IRGQ: variants seen among roughly 807,000 people sequenced by gnomAD.
IRGQ encodes the protein immunity-related GTPase family Q protein.
A neutral mutation model predicts 10.5 loss-of-function variants in IRGQ; 5 were observed. The ratio of observed to expected loss-of-function variants is 0.48; its 90% CI spans 0.25 to 1.00. IRGQ has a LOEUF of 1.00. Among genes scored for constraint, IRGQ ranks in the 50% least tolerant of loss-of-function variants. The probability of loss-of-function intolerance (pLI) is 0.16; values close to 1 mark genes in which losing one functional copy is unlikely to be tolerated. For synonymous variants in IRGQ, 418 were observed against 426.0 expected (o/e 0.98, Z 0.23); for missense variants, 792 against 877.7 (o/e 0.90, Z 1.23).
Position 43,592,455 on chromosome 19 carries a change from C to T in IRGQ, c.1443G>A (p.Ala481=), listed in dbSNP as rs762309672. 4 of 1,583,990 alleles carry T rather than the reference C, an allele frequency of 2.5e-6. No homozygotes were observed. Among genetic ancestry groups the T allele is most frequent in the Non-Finnish European group, 3.4e-6 (4 of 1,172,986 alleles). Residue 481 remains alanine, a synonymous_variant, in exon 3 of 3, where the codon GCG becomes GCA. Coordinates refer to ENST00000422989, the MANE Select transcript of IRGQ (RefSeq NM_001007561.3). The part of the protein sequence containing the change: ...RTKAAALRAG[A]WRPALLASLA... ...GACTAGCCAGCAGAGCTGGCCTCCA[C>T]GCCCCGGCTCGCAACGCCGCAGCCT...
rs766133513 is a variant in IRGQ, at chr19:43,584,784, G to A, written c.*7242C>T. The A allele has an allele frequency of 1.3e-5, 2 of 152,158 alleles. No homozygotes were observed. Among genetic ancestry groups the A allele is most frequent in the Admixed American group, 6.5e-5 (1 of 15,268 alleles). 9.4% of individuals were successfully genotyped at this position (152,158 alleles called of 1,614,324 possible). On this transcript the variant is annotated 3_prime_UTR_variant, in exon 3 of 3. Coordinates refer to ENST00000422989, the MANE Select transcript of IRGQ (RefSeq NM_001007561.3). ...ATGGGTGGCAGGGATCAAGGATGAC[G>A]GAGCCATGTGTCTCTTTTCCCTTTA...
rs1973089192 is a variant in IRGQ at position 43,593,377 on chromosome 19, CAAG to C, written c.531-13_531-11del. On this transcript the variant is annotated splice_polypyrimidine_tract_variant and intron_variant, in intron 2 of 2. Transcript: ENST00000422989. The surrounding 1 kb of genome is among the most constrained non-coding windows in gnomAD (Gnocchi z 6.4). ...CGCCGGTGGCAGGAGCCTGTGGGGA[CAAG>C]AAGGGACAGGGTCAAAGGTAGAAGA... 2.7e-6 allele frequency: 4 copies of C among 1,503,686 alleles called. No homozygotes were observed. Among genetic ancestry groups the C allele is most frequent in the Non-Finnish European group, 3.6e-6 (4 of 1,124,752 alleles). 93.1% of individuals were successfully genotyped at this position (1,503,686 alleles called of 1,614,324 possible).
Position 43,593,353 on chromosome 19 carries a change from G to A in IRGQ, c.545C>T (p.Ala182Val), listed in dbSNP as rs370638315. Residue 182 changes from alanine to valine, a missense_variant, in exon 3 of 3, where the codon GCG becomes GTG. Physicochemically the swap from Ala to Val is moderately conservative, Grantham distance 64. Transcript: ENST00000422989. The surrounding 1 kb of genome is among the most constrained non-coding windows in gnomAD (Gnocchi z 6.4). Reference protein sequence around the residue: ...AEALRRLLPPAQDGFEVLGAA... With the variant: ...AEALRRLLPPVQDGFEVLGAA... ...ACCCAACACCTCGAAGCCATCCTGCGCCGGTGGCAGGAGCCTGTGGGGACA... is the reference window on the plus strand; with the variant it reads ...ACCCAACACCTCGAAGCCATCCTGCACCGGTGGCAGGAGCCTGTGGGGACA... 34 of 1,515,154 alleles carry A rather than the reference G, an allele frequency of 2.2e-5. No homozygotes were observed. The highest frequency in any genetic ancestry group is 3.0e-5 in the Non-Finnish European group (34 of 1,130,636). 93.9% of individuals were successfully genotyped at this position (1,515,154 alleles called of 1,614,324 possible).
rs1184396904 is a variant in IRGQ at position 43,595,198 on chromosome 19, G to A, written c.141C>T (p.Pro47=). ...APEGRPDSGV[P]SLRAAGPGLF... is the part of the protein sequence containing the mutation. ...GGCCTGGGCCCGCAGCTCTTAGGCT[G>A]GGAACCCCGGAGTCCGGCCGTCCCT... The change falls in exon 2 of 3, where the codon CCC becomes CCT. Residue 47 remains proline (P), a synonymous_variant. Coordinates refer to ENST00000422989, the MANE Select transcript of IRGQ (RefSeq NM_001007561.3). 4 of 1,612,212 alleles carry A rather than the reference G, an allele frequency of 2.5e-6. No homozygotes were observed. The highest frequency in any genetic ancestry group is 3.4e-6 in the Non-Finnish European group (4 of 1,179,632).
chr19:43,593,006 C>T lies in IRGQ; in HGVS notation c.892G>A (p.Asp298Asn), dbSNP rs1184787833. 3.1e-6 allele frequency: 5 copies of T among 1,607,788 alleles called. No homozygotes were observed. The Admixed American group carries it at 6.7e-5, about 21-fold the overall frequency. ...AAAASHPTHY[D>N]ALILVTPGAP... ...CCAGGGGTGACGAGGATGAGGGCGT[C>T]GTAGTGCGTTGGGTGAGAGGCGGCG... Residue 298 changes from aspartate to asparagine, a missense_variant, in exon 3 of 3, where the codon GAC (aspartate) becomes AAC (asparagine). Transcript: ENST00000422989. The surrounding 1 kb of genome is among the most constrained non-coding windows in gnomAD (Gnocchi z 6.4).
At position 43,591,828 on chromosome 19, in the gene IRGQ, A is replaced by T; in HGVS notation, c.*198T>A. On this transcript the variant is annotated 3_prime_UTR_variant, in exon 3 of 3. Transcript: ENST00000422989. Reference sequence around the variant, plus strand: ...GCGCCATTGCACTCCAGCCTGGGCAACAAGAGACTTCGTCTCACAAAAAAA... The same window carrying T: ...GCGCCATTGCACTCCAGCCTGGGCATCAAGAGACTTCGTCTCACAAAAAAA... 5 of 531,060 alleles carry T rather than the reference A, an allele frequency of 9.4e-6. No homozygotes were observed. The East Asian group carries it at 1.3e-4, about 14-fold the overall frequency. The allele number at this position is 531,060 out of a possible 1,614,324, so 32.9% of individuals were successfully genotyped here.
At chr19:43,594,222 A>G (rs746313962) in intron 2 of IRGQ, among the ~76,000 whole-genome samples, 5 of 152,232 alleles carry the variant, frequency 3.3e-5, no homozygotes, top group Non-Finnish European at 5.9e-5. Context: ...TAATCCCAGC[A>G]CTTTGGGAGG....
rs1433330934 is a variant in IRGQ at position 43,593,305 on chromosome 19, C to T, written c.593G>A (p.Arg198His). Reference protein sequence around the residue: ...VLGAAELEAVREAFETGGLEA... With the variant: ...VLGAAELEAVHEAFETGGLEA... Reference sequence around the variant, plus strand: ...AAGGCCGCCGGTCTCAAAGGCCTCACGCACAGCCTCTAGCTCTGCTGCACC... The same window carrying T: ...AAGGCCGCCGGTCTCAAAGGCCTCATGCACAGCCTCTAGCTCTGCTGCACC... Residue 198 changes from arginine to histidine, a missense_variant, in exon 3 of 3, where the codon CGT (arginine) becomes CAT (histidine). Coordinates refer to ENST00000422989, the MANE Select transcript of IRGQ (RefSeq NM_001007561.3). This position sits in a 1 kb window ranked among gnomAD's most constrained non-coding sequence, Gnocchi z 6.4. The T allele has an allele frequency of 3.8e-6, 6 of 1,582,268 alleles. No homozygotes were observed. The highest frequency in any genetic ancestry group is 1.7e-4 in the Middle Eastern group (1 of 5,934).
rs756351339 is a variant in IRGQ, at chr19:43,593,036, C to T, written c.862G>A (p.Ala288Thr). The T allele has an allele frequency of 6.2e-6, 10 of 1,605,688 alleles. 2 individuals carry two copies. The South Asian group carries it at 1.1e-4, about 18-fold the overall frequency. Residue 288 changes from alanine to threonine, a missense_variant, in exon 3 of 3, where the codon GCG (alanine) becomes ACG (threonine). By Grantham distance (58) the Ala-to-Thr change is moderately conservative (BLOSUM62 0). Coordinates refer to ENST00000422989, the MANE Select transcript of IRGQ (RefSeq NM_001007561.3). This position sits in a 1 kb window ranked among gnomAD's most constrained non-coding sequence, Gnocchi z 6.4. ...TGCGTTGGGTGAGAGGCGGCGGCCG[C>T]GGTGGTGGCAGTGCCCGTGTGGCCC... ...PLGHTGTATT[A>T]AAASHPTHYD...
In IRGQ at chr19:43,595,230, C is replaced by T. The variant is rs1973119190; in HGVS notation, c.109G>A (p.Ala37Thr). ...CCGGAGTCCGGCCGTCCCTCGGGGG[C>T]CTCGAGCGTCTCCACATCCTTGTCG... is the stretch of plus-strand genomic sequence containing the variant. ...LCDKDVETLE[A>T]PEGRPDSGVP... The change falls in exon 2 of 3, where the codon GCC (alanine) becomes ACC (threonine). Residue 37 changes from alanine to threonine, a missense_variant. Physicochemically the swap from Ala to Thr is moderately conservative, Grantham distance 58. Transcript: ENST00000422989. 6.2e-7 allele frequency: 1 copy of T among 1,612,436 alleles called. No individual in the cohort carries two copies. The highest frequency in any genetic ancestry group is 1.3e-5 in the African/African-American group (1 of 74,944).
chr19:43,592,866 G>A lies in IRGQ; in HGVS notation c.1032C>T (p.Gly344=), dbSNP rs1973080053. Residue 344 remains glycine, a synonymous_variant, in exon 3 of 3, where the codon GGC becomes GGT. Coordinates refer to ENST00000422989, the MANE Select transcript of IRGQ (RefSeq NM_001007561.3). Reference sequence around the variant, plus strand: ...TCTCGCCCTTGGGATTCTCCATCTTGCCTTCTCCCAGACACTCCGGATCCT... The same window carrying A: ...TCTCGCCCTTGGGATTCTCCATCTTACCTTCTCCCAGACACTCCGGATCCT... ...EGEDPECLGE[G]KMENPKGESL... is the part of the protein sequence containing the mutation. 18 of 1,613,766 alleles carry A rather than the reference G, an allele frequency of 1.1e-5. No individual in the cohort carries two copies. The highest frequency in any genetic ancestry group is 1.5e-5 in the Non-Finnish European group (18 of 1,180,024).
Position 43,593,305 on chromosome 19 carries a change from C to G in IRGQ, c.593G>C (p.Arg198Pro). The part of the protein sequence containing the change: ...VLGAAELEAV[R>P]EAFETGGLEA... Reference sequence around the variant, plus strand: ...AAGGCCGCCGGTCTCAAAGGCCTCACGCACAGCCTCTAGCTCTGCTGCACC... The same window carrying G: ...AAGGCCGCCGGTCTCAAAGGCCTCAGGCACAGCCTCTAGCTCTGCTGCACC... The change falls in exon 3 of 3, where the codon CGT becomes CCT. Residue 198 changes from arginine to proline, a missense_variant. By Grantham distance (103) the Arg-to-Pro change is moderately radical. Transcript: ENST00000422989. The surrounding 1 kb of genome is among the most constrained non-coding windows in gnomAD (Gnocchi z 6.4). 1 of 1,582,386 alleles carries G rather than the reference C, an allele frequency of 6.3e-7. No homozygotes were observed.
Position 43,589,592 on chromosome 19 carries a change from A to T in IRGQ, c.*2434T>A, listed in dbSNP as rs1751219933. Reference sequence around the variant, plus strand: ...ACCCTGTCTCTAAAATAATAATAATAATAATAAATATTTACGAAGCACCTA... The same window carrying T: ...ACCCTGTCTCTAAAATAATAATAATTATAATAAATATTTACGAAGCACCTA... On this transcript the variant is annotated 3_prime_UTR_variant, in exon 3 of 3. Coordinates refer to ENST00000422989, the MANE Select transcript of IRGQ (RefSeq NM_001007561.3). 1 of 152,174 alleles carries T rather than the reference A, an allele frequency of 6.6e-6. No individual in the cohort carries two copies. The highest frequency in any genetic ancestry group is 6.6e-5 in the Admixed American group (1 of 15,264). The allele number at this position is 152,174 out of a possible 1,614,324, so 9.4% of individuals were successfully genotyped here.
At position 43,590,493 on chromosome 19, in the gene IRGQ, A is replaced by G. The variant is rs1973042922; in HGVS notation, c.*1533T>C. The G allele has an allele frequency of 1.3e-5, 2 of 152,172 alleles. No individual in the cohort carries two copies. Among genetic ancestry groups the G allele is most frequent in the South Asian group, 4.1e-4 (2 of 4,830 alleles). The allele number at this position is 152,172 out of a possible 1,614,324, so 9.4% of individuals were successfully genotyped here. Reference sequence around the variant, plus strand: ...GCACTGTGGTTTCTGCCTTTGCTTCATTCACTCCTGGCATATTCCCATGGT... The same window carrying G: ...GCACTGTGGTTTCTGCCTTTGCTTCGTTCACTCCTGGCATATTCCCATGGT... On this transcript the variant is annotated 3_prime_UTR_variant, in exon 3 of 3. Transcript: ENST00000422989.
In IRGQ at chr19:43,588,337, T is replaced by G. The variant is rs1973017362; in HGVS notation, c.*3689A>C. 6.6e-6 allele frequency: 1 copy of G among 150,916 alleles called. No homozygotes were observed. The highest frequency in any genetic ancestry group is 6.6e-5 in the Admixed American group (1 of 15,156). The allele number at this position is 150,916 out of a possible 1,614,324, so 9.3% of individuals were successfully genotyped here. A position where few individuals can be genotyped will look rare whatever the true frequency, so the allele number is the denominator to read the frequency against. ...ATCCCAGCTACTTGGGAGGCTGAGG[T>G]TGCAGTGAGCCAAGATCGCACAACT... On this transcript the variant is annotated 3_prime_UTR_variant, in exon 3 of 3. Coordinates refer to ENST00000422989, the MANE Select transcript of IRGQ (RefSeq NM_001007561.3).
intron 2 of IRGQ, among the ~76,000 whole-genome samples, chr19:43,594,342 G>A (rs762950957): frequency 6.6e-6 from 1 of 152,174 alleles, no homozygotes; most frequent in Non-Finnish European, 1.5e-5. Context: ...GCTTTGGGAA[G>A]CCTGGGTGGG....
rs1490225324 is a variant in IRGQ, at chr19:43,587,888, A to C, written c.*4138T>G. ...GCCACTGCACTCCAGCCTGGGCAAC[A>C]AAGCGAAGCACTATCTCAAAAAAAA... On this transcript the variant is annotated 3_prime_UTR_variant, in exon 3 of 3. Transcript: ENST00000422989. 6.6e-6 allele frequency: 1 copy of C among 152,064 alleles called. No homozygotes were observed. The highest frequency in any genetic ancestry group is 1.5e-5 in the Non-Finnish European group (1 of 68,010). The allele number at this position is 152,064 out of a possible 1,614,324, so 9.4% of individuals were successfully genotyped here. A position where few individuals can be genotyped will look rare whatever the true frequency, so the allele number is the denominator to read the frequency against.
In IRGQ at chr19:43,592,417, G is replaced by A. The variant is rs1362089015; in HGVS notation, c.1481C>T (p.Ala494Val). Residue 494 changes from alanine to valine, a missense_variant, in exon 3 of 3, where the codon GCG (alanine) becomes GTG (valine). Physicochemically the swap from Ala to Val is moderately conservative, Grantham distance 64 (BLOSUM62 0). Coordinates refer to ENST00000422989, the MANE Select transcript of IRGQ (RefSeq NM_001007561.3). Reference sequence around the variant, plus strand: ...CCAGCCCAGCCCTGGGAGTGGTGCCGCCGCCGCCGCCAGACTAGCCAGCAG... The same window carrying A: ...CCAGCCCAGCCCTGGGAGTGGTGCCACCGCCGCCGCCAGACTAGCCAGCAG... ...PALLASLAAA[A>V]APLPGLGWAC... The A allele has an allele frequency of 1.9e-6, 3 of 1,574,320 alleles. No individual in the cohort carries two copies. Among genetic ancestry groups the A allele is most frequent in the Admixed American group, 1.7e-5 (1 of 57,204 alleles).
In IRGQ at chr19:43,592,248, C is replaced by G. The variant is rs1285928620; in HGVS notation, c.1650G>C (p.Pro550=). 1 of 1,578,580 alleles carries G rather than the reference C, an allele frequency of 6.3e-7. No individual in the cohort carries two copies. The highest frequency in any genetic ancestry group is 1.1e-5 in the South Asian group (1 of 88,934). ...TTGCTTCCACCTCGGCGCGCGTCAC[C>G]GGGCCTGGGAAATGAGCGCGCGCTG... is the stretch of plus-strand genomic sequence containing the variant. ...ELAARAHFPG[P]VTRAEVEARL... is the part of the protein sequence containing the mutation. The change falls in exon 3 of 3, where the codon CCG becomes CCC. Residue 550 remains proline, a synonymous_variant. Transcript: ENST00000422989.
Sources: allele counts gnomAD v4.1 joint callset (sites outside exome capture counted in the v4.1 genomes callset), GRCh38; gene constraint gnomAD v4.1.1; non-coding constraint Gnocchi (gnomAD v3.1); transcripts MANE v1.5; gene names NCBI Gene and HGNC (gene_info 2026-07-23, HGNC 2026-07-21).